Variants in MIB1 observed in about 807,000 individuals in gnomAD.
MIB1 encodes the protein E3 ubiquitin-protein ligase MIB1.
MIB1 carries 278 observed loss-of-function variants against 124.5 expected under a neutral mutation model. The ratio of observed to expected loss-of-function variants is 2.23; its 90% CI spans 2.02 to 2.47. The LOEUF (loss-of-function observed/expected upper bound fraction) is 2.47, where lower values mean the gene tolerates loss of function less well. Ranked by LOEUF, MIB1 falls within the 30% of genes most tolerant of loss-of-function variation. The pLI is 0.00. For missense variants in MIB1, 957 were observed against 1,254.4 expected (o/e 0.76, Z 3.58); for synonymous variants, 446 against 429.4 (o/e 1.04, Z -0.48).
chr18:21,798,290 C>T, intron 8 of MIB1, 62 bp downstream of exon 8: 1 of 1,507,930 alleles, frequency 6.6e-7, no homozygotes, highest in Non-Finnish European at 9.2e-7. Context: ...TTTGCTAATT[C>T]CCCAGTTCTC....
rs541008327 is a variant in MIB1 at position 21,734,295 on chromosome 18, C to G, written n.167+29172C>G. Among the ~76,000 whole-genome samples the G allele has an allele frequency of 2.1e-3, 312 of 151,450 alleles. 2 individuals carry two copies. The highest frequency in any genetic ancestry group is 7.4e-3 in the African/African-American group (304 of 41,306). ...CTATTTTTTGGATTTTTATTAGAGA[C>G]GGGGTTTCACCGTGTTGGCCAGGAT... On this transcript the variant is annotated intron_variant and non_coding_transcript_variant, in intron 1 of 20. Transcript: ENST00000578646.
In MIB1 at chr18:21,826,692, CATAAA is replaced by C. The variant is rs569830157; in HGVS notation, c.1829+7053_1829+7057del. The C allele has an allele frequency of 2.6e-5, 4 of 152,066 alleles. No homozygotes were observed. The East Asian group carries it at 7.7e-4, about 29-fold the overall frequency. 9.4% of individuals were successfully genotyped at this position (152,066 alleles called of 1,614,324 possible). On this transcript the variant is annotated intron_variant, in intron 12 of 20. Coordinates refer to ENST00000261537, the MANE Select transcript of MIB1 (RefSeq NM_020774.4). ...ATGTCTTGAGAGGGGTGTCTTCTTG[CATAAA>C]ATAAAAGTTTGATAAATTATAATTT...
intron 20 of MIB1, among the ~76,000 whole-genome samples, chr18:21,863,530 C>T (rs370783480): frequency 6.6e-6 from 1 of 152,110 alleles, no homozygotes; most frequent in East Asian, 1.9e-4. Flanking sequence ...GCCATCTCTT[C>T]CCTGAAGTTA....
chr18:21,757,548 G>A (rs1292702142), intron 1 of MIB1, among the ~76,000 whole-genome samples: 1 of 138,968 alleles, frequency 7.2e-6, no homozygotes, highest in Non-Finnish European at 1.5e-5. Flanking sequence ...GCAGTTGTGC[G>A]ATCTCGGCTC....
intron 15 of MIB1, among the ~76,000 whole-genome samples, chr18:21,845,633 C>CT (rs1056807217): frequency 5.9e-4 from 90 of 151,472 alleles, no homozygotes; most frequent in African/African-American, 1.9e-3. Context: ...TTTCTTTTTT[C>CT]TTTTTTTTGA....
At chr18:21,829,161 T>C in intron 12 of MIB1, 1 of 411,260 alleles carries the variant, frequency 2.4e-6, no homozygotes, top group South Asian at 1.8e-5. Context: ...TTCAGCTTAC[T>C]AATGTAGAGC....
In MIB1 at chr18:21,849,052, G is replaced by A. The variant is rs76536782; in HGVS notation, c.2394-144G>A. On this transcript the variant is annotated intron_variant, in intron 16 of 20. Transcript: ENST00000261537. ...ACGCATATAAACACAAAAATTTAAT[G>A]TTTCACATACAGATGTTAAAGCTTA... is the stretch of plus-strand genomic sequence containing the variant. 2,267 of 506,374 alleles carry A rather than the reference G, an allele frequency of 4.5e-3. 77 individuals carry two copies. The East Asian group carries it at 0.062, about 14-fold the overall frequency. 31.4% of individuals were successfully genotyped at this position (506,374 alleles called of 1,614,324 possible).
intron 1 of MIB1, among the ~76,000 whole-genome samples, chr18:21,749,163 A>T (rs910627495): frequency 2.0e-5 from 3 of 152,130 alleles, no homozygotes. Flanking sequence ...TCTAATATGT[A>T]CTTCCTATAT....
intron 1 of MIB1, among the ~76,000 whole-genome samples, chr18:21,705,881 T>C (rs2040621167): frequency 6.6e-6 from 1 of 152,122 alleles, no homozygotes; most frequent in African/African-American, 2.4e-5. Context: ...GAGGACAAGA[T>C]AGTGTATATA....
chr18:21,829,881 A>G (rs953348309), intron 12 of MIB1, among the ~76,000 whole-genome samples: 4 of 152,146 alleles, frequency 2.6e-5, no homozygotes, highest in African/African-American at 9.7e-5. Flanking sequence ...TTTAGAAAGT[A>G]TCACTTCAAA....
Position 21,751,112 on chromosome 18 carries a change from G to C in MIB1, c.229+9300G>C, listed in dbSNP as rs971923157. On this transcript the variant is annotated intron_variant, in intron 1 of 20. Coordinates refer to ENST00000261537, the MANE Select transcript of MIB1 (RefSeq NM_020774.4). ...ATTTGTTGGTGAGGCTGAGGCAGGA[G>C]GATCAGTTGAGCCTGGGAGGCAGAG... Among the ~76,000 whole-genome samples, 5 of 151,932 alleles carry C rather than the reference G, an allele frequency of 3.3e-5. No homozygotes were observed. In the South Asian group the frequency reaches 8.3e-4, roughly 25 times the overall value.
chr18:21,742,140 C>T (rs1303066504), intron 1 of MIB1, among the ~76,000 whole-genome samples: 1 of 152,150 alleles, frequency 6.6e-6, no homozygotes, highest in Non-Finnish European at 1.5e-5. Context: ...TCTGGAGAGG[C>T]CTATCTAATA....
At chr18:21,808,414 G>T (rs552911209) in intron 10 of MIB1, among the ~76,000 whole-genome samples, 3 of 152,060 alleles carry the variant, frequency 2.0e-5, no homozygotes, top group African/African-American at 7.2e-5. Flanking sequence ...GTGTAGTTTC[G>T]ATAAGAGACT....
At chr18:21,761,081 T>C (rs951461476) in intron 1 of MIB1, among the ~76,000 whole-genome samples, 1 of 152,174 alleles carries the variant, frequency 6.6e-6, no homozygotes, top group African/African-American at 2.4e-5. Context: ...GGCAATGAGG[T>C]TGCTTTAAAT....
chr18:21,811,029 C>T (rs2041767488), intron 10 of MIB1, among the ~76,000 whole-genome samples: 3 of 152,086 alleles, frequency 2.0e-5, no homozygotes, highest in Admixed American at 2.0e-4. Flanking sequence ...TCTTAAAACT[C>T]TACATCAAGA....
chr18:21,839,028 G>C (rs2042059106), intron 13 of MIB1, among the ~76,000 whole-genome samples: 1 of 152,112 alleles, frequency 6.6e-6, no homozygotes, highest in African/African-American at 2.4e-5. Flanking sequence ...CTGGATTTTG[G>C]GAGGAGCCTA....
chr18:21,792,436 C>A (rs2041516851), intron 7 of MIB1, among the ~76,000 whole-genome samples: 1 of 152,112 alleles, frequency 6.6e-6, no homozygotes, highest in African/African-American at 2.4e-5. Flanking sequence ...ACTCCTGCCC[C>A]ATCTCATCCC....
At chr18:21,828,746 C>T (rs1485934020) in intron 12 of MIB1, 1 of 184,490 alleles carries the variant, frequency 5.4e-6, no homozygotes, top group Non-Finnish European at 1.1e-5. Flanking sequence ...TGTAAGATGT[C>T]TGTTTTAAAC....
intron 9 of MIB1, 141 bp from the exon 10 acceptor site, chr18:21,803,766 G>A (rs2041675044): frequency 3.6e-6 from 2 of 553,534 alleles, no homozygotes; most frequent in Admixed American, 3.2e-5. Flanking sequence ...GTAGTTATCT[G>A]AACTATGATA....
Sources: allele counts gnomAD v4.1 joint callset (sites outside exome capture counted in the v4.1 genomes callset), GRCh38; gene constraint gnomAD v4.1.1; transcripts MANE v1.5; gene names NCBI Gene and HGNC (gene_info 2026-07-23, HGNC 2026-07-21).